MAGI3: variants seen among roughly 807,000 people sequenced by gnomAD.
MAGI3 encodes membrane associated guanylate kinase, WW and PDZ domain containing 3, also known as membrane-associated guanylate kinase, WW and PDZ domain-containing protein 3.
In MAGI3, 43 loss-of-function variants were observed where a neutral mutation model predicts 121.8. The ratio of observed to expected loss-of-function variants is 0.35; its 90% CI spans 0.28 to 0.46. The LOEUF (loss-of-function observed/expected upper bound fraction) is 0.46, where lower values mean the gene tolerates loss of function less well. Among genes scored for constraint, MAGI3 ranks in the 20% least tolerant of loss-of-function variants. The probability of loss-of-function intolerance (pLI) is 1.00; values close to 1 mark genes in which losing one functional copy is unlikely to be tolerated. For synonymous variants in MAGI3, 553 were observed against 639.3 expected, an observed-to-expected ratio of 0.86 and a Z score of 2.04; for missense variants, 1,547 against 1,797.3, an observed-to-expected ratio of 0.86 and a Z score of 2.52.
intron 2 of MAGI3, among the ~76,000 whole-genome samples, chr1:113,574,997 A>C (rs973723035): frequency 6.6e-6 from 1 of 152,120 alleles, no homozygotes; most frequent in Admixed American, 6.5e-5. Flanking sequence ...ATACTTGTAT[A>C]TACTTCATGA....
At chr1:113,415,200 A>C (rs1161206183) in intron 1 of MAGI3, among the ~76,000 whole-genome samples, 1 of 152,116 alleles carries the variant, frequency 6.6e-6, no homozygotes, top group Non-Finnish European at 1.5e-5. Flanking sequence ...ATACTAATAA[A>C]GTAAGCAATT....
intron 1 of MAGI3, among the ~76,000 whole-genome samples, chr1:113,516,827 C>T (rs896350367): frequency 3.9e-5 from 6 of 151,964 alleles, no homozygotes; most frequent in African/African-American, 1.4e-4. Context: ...TTAACTTCAG[C>T]AGTGATAAAT....
chr1:113,442,824 C>T (rs1274439932), intron 1 of MAGI3, among the ~76,000 whole-genome samples: 1 of 152,074 alleles, frequency 6.6e-6, no homozygotes, highest in African/African-American at 2.4e-5. Flanking sequence ...ATGTTAGCCT[C>T]ACAGCTGCTA....
intron 2 of MAGI3, among the ~76,000 whole-genome samples, chr1:113,574,958 G>A (rs1031422137): frequency 2.6e-5 from 4 of 151,838 alleles, no homozygotes; most frequent in African/African-American, 4.8e-5. Context: ...TCTGATATCC[G>A]TTCTTCCACT....
chr1:113,685,406 CTTG>C lies in MAGI3; in HGVS notation c.*1397_*1399del, dbSNP rs1425490659. The C allele has an allele frequency of 1.3e-5, 2 of 152,330 alleles. No homozygotes were observed. Among genetic ancestry groups the C allele is most frequent in the Admixed American group, 1.3e-4 (2 of 15,282 alleles). 9.4% of individuals were successfully genotyped at this position (152,330 alleles called of 1,614,324 possible). A position where few individuals can be genotyped will look rare whatever the true frequency, so the allele number is the denominator to read the frequency against. ...CACTTGTTCTGTCACCTGGGTTCATCTTGTTGTGAAGCACATTAGGTCCAGGTC... is the reference window on the plus strand; with the variant it reads ...CACTTGTTCTGTCACCTGGGTTCATCTTGTGAAGCACATTAGGTCCAGGTC... On this transcript the variant is annotated 3_prime_UTR_variant, in exon 21 of 21. Coordinates refer to ENST00000307546, the MANE Select transcript of MAGI3 (RefSeq NM_001142782.2).
chr1:113,631,679 G>A (rs1651644051), intron 9 of MAGI3, among the ~76,000 whole-genome samples: 1 of 152,120 alleles, frequency 6.6e-6, no homozygotes, highest in Non-Finnish European at 1.5e-5. Flanking sequence ...CCTGTGTGGT[G>A]TTTATCATGG....
At position 113,568,973 on chromosome 1, in the gene MAGI3, C is replaced by T. The variant is rs1660543004; in HGVS notation, c.434-11569C>T. ...ATTAAGAGCTTCTGTCATCAAAATA[C>T]AATTTCTTAAAAAGGTGAAAAAATC... On this transcript the variant is annotated intron_variant, in intron 2 of 20. Coordinates refer to ENST00000307546, the MANE Select transcript of MAGI3 (RefSeq NM_001142782.2). Among the ~76,000 whole-genome samples the T allele has an allele frequency of 2.0e-5, 3 of 152,164 alleles. No individual in the cohort carries two copies. In the South Asian group the frequency reaches 6.2e-4, roughly 32 times the overall value.
chr1:113,645,943 A>AT (rs1429559316), intron 11 of MAGI3, among the ~76,000 whole-genome samples: 3 of 152,142 alleles, frequency 2.0e-5, no homozygotes, highest in African/African-American at 4.8e-5. Flanking sequence ...TGCATGGTAC[A>AT]TTTTCTCTTA....
chr1:113,682,070 C>A, intron 20 of MAGI3: 1 of 991,652 alleles, frequency 1.0e-6, no homozygotes, highest in Non-Finnish European at 1.4e-6. Context: ...CCTACAGTAC[C>A]CTTCCAGCTT....
At chr1:113,631,349 G>A (rs1651620833) in intron 9 of MAGI3, among the ~76,000 whole-genome samples, 1 of 152,068 alleles carries the variant, frequency 6.6e-6, no homozygotes, top group Non-Finnish European at 1.5e-5. Context: ...AAAATTTGGT[G>A]TTTCTGTGGG....
chr1:113,552,262 C>G (rs577111778), intron 2 of MAGI3, among the ~76,000 whole-genome samples: 25 of 152,290 alleles, frequency 1.6e-4, no homozygotes, highest in African/African-American at 5.5e-4. Flanking sequence ...GTTTTCCCAG[C>G]AAAGGCTCAC....
At chr1:113,648,252 A>G (rs1307396036) in intron 12 of MAGI3, among the ~76,000 whole-genome samples, 4 of 152,176 alleles carry the variant, frequency 2.6e-5, no homozygotes, top group Non-Finnish European at 2.9e-5. Context: ...TACTGCTTCT[A>G]TAGAATATTA....
intron 1 of MAGI3, among the ~76,000 whole-genome samples, chr1:113,454,299 A>G (rs1206681899): frequency 1.3e-5 from 2 of 152,130 alleles, no homozygotes; most frequent in African/African-American, 4.8e-5. Flanking sequence ...TCAGTTCAAG[A>G]GAAGAAAGGC....
At chr1:113,644,573 G>A (rs548487398) in intron 11 of MAGI3, among the ~76,000 whole-genome samples, 1 of 152,168 alleles carries the variant, frequency 6.6e-6, no homozygotes, top group African/African-American at 2.4e-5. Flanking sequence ...GATACACCAC[G>A]TCCGGCTGAC....
chr1:113,491,351 C>T (rs1656657664), intron 1 of MAGI3, among the ~76,000 whole-genome samples: 1 of 152,074 alleles, frequency 6.6e-6, no homozygotes, highest in Non-Finnish European at 1.5e-5. Context: ...GACAACATAC[C>T]AGAATCTGTG....
rs377050570 is a variant in MAGI3, at chr1:113,395,270, A to G, written c.316+3921A>G. On this transcript the variant is annotated intron_variant, in intron 1 of 20. Transcript: ENST00000307546. Reference sequence around the variant, plus strand: ...TTAAAACAAGAAAATCTAGAGACCTAGAGATTATTTTAGAAACAATAGAAA... The same window carrying G: ...TTAAAACAAGAAAATCTAGAGACCTGGAGATTATTTTAGAAACAATAGAAA... 2.6e-5 allele frequency among the ~76,000 whole-genome samples: 4 copies of G among 151,630 alleles called. No homozygotes were observed. In the East Asian group the frequency reaches 7.7e-4, roughly 29 times the overall value.
chr1:113,574,611 C>T (rs575991262), intron 2 of MAGI3, among the ~76,000 whole-genome samples: 13 of 152,140 alleles, frequency 8.5e-5, no homozygotes, highest in Non-Finnish European at 1.8e-4. Flanking sequence ...CTCTGGCTGC[C>T]CTTAACATTT....
At chr1:113,638,615 T>C in intron 9 of MAGI3, among the ~76,000 whole-genome samples, 1 of 152,114 alleles carries the variant, frequency 6.6e-6, no homozygotes, top group Non-Finnish European at 1.5e-5. Flanking sequence ...GAGTACCCGG[T>C]CATGTGAGGT....
Position 113,683,962 on chromosome 1 carries a change from CAA to C in MAGI3, c.4395_4396del (p.Ser1466TrpfsTer3). 6.2e-7 allele frequency: 1 copy of C among 1,601,000 alleles called. No individual in the cohort carries two copies. Among genetic ancestry groups the C allele is most frequent in the Non-Finnish European group, 8.5e-7 (1 of 1,175,350 alleles). On this transcript the variant is annotated frameshift_variant, in exon 21 of 21. Transcript: ENST00000307546. LOFTEE classifies it high-confidence loss of function. Reference sequence around the variant, plus strand: ...ATAACTCCAGGGCCCTGGAAGGTTCCAAGTGGAAATAAAGTCACAGGCACTAT... The same window carrying C: ...ATAACTCCAGGGCCCTGGAAGGTTCCGTGGAAATAAAGTCACAGGCACTAT...
Sources: gnomAD v4.1 joint callset for allele counts (sites outside exome capture counted in the v4.1 genomes callset) on GRCh38, gnomAD v4.1.1 for gene constraint, MANE v1.5 for transcripts, NCBI Gene and HGNC (gene_info 2026-07-23, HGNC 2026-07-21) for gene names.